Variants in ANKRD27 observed in about 807,000 individuals in gnomAD.
ANKRD27 encodes ankyrin repeat domain-containing protein 27.
ANKRD27 carries 112 observed loss-of-function variants against 129.7 expected under a neutral mutation model. The ratio of observed to expected loss-of-function variants is 0.86; its 90% CI spans 0.74 to 1.01. The LOEUF (loss-of-function observed/expected upper bound fraction) is 1.01. Ranked by LOEUF, ANKRD27 falls within the 50% of genes least tolerant of loss-of-function variation. The probability of loss-of-function intolerance (pLI) is 0.00; values close to 1 mark genes in which losing one functional copy is unlikely to be tolerated. For missense variants in ANKRD27, 1,258 were observed against 1,300.5 expected, an observed-to-expected ratio of 0.97 and a Z score of 0.50; for synonymous variants, 516 against 511.2, an observed-to-expected ratio of 1.01 and a Z score of -0.13.
intron 11 of ANKRD27, 134 bp from the exon 12 acceptor site, chr19:32,639,622 C>G: frequency 2.3e-6 from 2 of 856,464 alleles, no homozygotes; most frequent in Non-Finnish European, 3.7e-6. Context: ...CCACCATCCC[C>G]TGGATCTCTC....
At chr19:32,640,250 AC>A in intron 11 of ANKRD27, 56 bp downstream of exon 11, 1 of 1,452,394 alleles carries the variant, frequency 6.9e-7, no homozygotes. Context: ...GGCGTGAGCC[AC>A]CGTGCCCGGC....
intron 22 of ANKRD27, among the ~76,000 whole-genome samples, chr19:32,610,240 G>C (rs1001229210): frequency 6.6e-6 from 1 of 151,996 alleles, no homozygotes; most frequent in Non-Finnish European, 1.5e-5. Flanking sequence ...AACCCAGGAG[G>C]CAGAGGTTGC....
chr19:32,646,400 C>A (rs1008484150), intron 4 of ANKRD27, 59 bp downstream of exon 4: 43 of 1,541,418 alleles, frequency 2.8e-5, no homozygotes, highest in Non-Finnish European at 3.4e-5. Flanking sequence ...AAGTCAGGAA[C>A]AAGTTCAACA....
chr19:32,615,748 G>A lies in ANKRD27; in HGVS notation c.2085C>T (p.Asp695=). 1 of 1,614,022 alleles carries A rather than the reference G, an allele frequency of 6.2e-7. No homozygotes were observed. The highest frequency in any genetic ancestry group is 1.1e-5 in the South Asian group (1 of 91,054). Residue 695 remains aspartate (D), a synonymous_variant, in exon 22 of 29, where the codon GAC becomes GAT. Coordinates refer to ENST00000306065, the MANE Select transcript of ANKRD27 (RefSeq NM_032139.3). Reference sequence around the variant, plus strand: ...TGACAGTGTCCTCCGCATCCTCCAGGTCCTCCTCTGTCCATTCCAACAGGT... The same window carrying A: ...TGACAGTGTCCTCCGCATCCTCCAGATCCTCCTCTGTCCATTCCAACAGGT... ...VRYLLEWTEE[D]LEDAEDTVSA...
intron 22 of ANKRD27, among the ~76,000 whole-genome samples, chr19:32,611,037 G>T (rs1407356353): frequency 6.6e-6 from 1 of 152,112 alleles, no homozygotes; most frequent in Non-Finnish European, 1.5e-5. Flanking sequence ...AGAAGAGGAT[G>T]GGGGGAGTGG....
chr19:32,653,338 G>C (rs1967456247), intron 2 of ANKRD27, among the ~76,000 whole-genome samples: 1 of 152,094 alleles, frequency 6.6e-6, no homozygotes, highest in African/African-American at 2.4e-5. Flanking sequence ...CATTAAATCA[G>C]ACAACTCAAT....
chr19:32,611,417 C>T (rs958733974), intron 22 of ANKRD27, among the ~76,000 whole-genome samples: 2 of 152,164 alleles, frequency 1.3e-5, no homozygotes, highest in East Asian at 1.9e-4. Context: ...AAAAGGTGCA[C>T]ATCCCCAGTG....
chr19:32,649,439 T>G (rs575001863), intron 3 of ANKRD27, among the ~76,000 whole-genome samples: 13 of 152,104 alleles, frequency 8.5e-5, no homozygotes, highest in Non-Finnish European at 1.3e-4. Flanking sequence ...CATCACGGGA[T>G]CAGAGAGAGA....
intron 24 of ANKRD27, among the ~76,000 whole-genome samples, chr19:32,605,064 T>C (rs1231725389): frequency 1.3e-5 from 2 of 152,014 alleles, no homozygotes; most frequent in Non-Finnish European, 2.9e-5. Flanking sequence ...CGAGACTCCA[T>C]CTCGGAAAAA....
intron 1 of ANKRD27, among the ~76,000 whole-genome samples, chr19:32,660,823 C>T (rs780514449): frequency 1.3e-5 from 2 of 152,150 alleles, no homozygotes; most frequent in African/African-American, 4.8e-5. Flanking sequence ...TGTAAACTGC[C>T]TGATCATGTC....
At chr19:32,612,191 A>G (rs1971845188) in intron 22 of ANKRD27, among the ~76,000 whole-genome samples, 1 of 152,204 alleles carries the variant, frequency 6.6e-6, no homozygotes, top group Admixed American at 6.5e-5. Flanking sequence ...GTATGCTGAA[A>G]AAAAATCACA....
chr19:32,667,157 C>G (rs1390125432), intron 1 of ANKRD27, among the ~76,000 whole-genome samples: 1 of 152,208 alleles, frequency 6.6e-6, no homozygotes, highest in Admixed American at 6.5e-5. Flanking sequence ...AAACAGGCAC[C>G]CGACTTCCCA....
Position 32,617,612 on chromosome 19 carries a change from C to T in ANKRD27, c.2029G>A (p.Val677Ile), listed in dbSNP as rs751816362. Reference protein sequence around the residue: ...YREVEKLLRAVADGDLEMVRY... With the variant: ...YREVEKLLRAIADGDLEMVRY... Reference sequence around the variant, plus strand: ...ACCATTTCTAGATCTCCATCAGCAACTGCTCTCAAAAGTTTTTCTACCTTA... The same window carrying T: ...ACCATTTCTAGATCTCCATCAGCAATTGCTCTCAAAAGTTTTTCTACCTTA... Residue 677 changes from valine to isoleucine, a missense_variant, in exon 21 of 29, where the codon GTT (valine) becomes ATT (isoleucine). Physicochemically the swap from Val to Ile is conservative, Grantham distance 29 (BLOSUM62 3). Transcript: ENST00000306065. 1 of 756,682 alleles carries T rather than the reference C, an allele frequency of 1.3e-6. No homozygotes were observed. Among genetic ancestry groups the T allele is most frequent in the Admixed American group, 1.9e-5 (1 of 53,446 alleles). 46.9% of individuals were successfully genotyped at this position (756,682 alleles called of 1,614,324 possible).
At chr19:32,672,958 G>A (rs1568424357) in intron 1 of ANKRD27, 1 of 152,200 alleles carries the variant, frequency 6.6e-6, no homozygotes, top group South Asian at 2.1e-4. Flanking sequence ...CTCTATGAGA[G>A]GATGGAGTCA....
In ANKRD27 at chr19:32,604,405, GC is replaced by G; in HGVS notation, c.2512del (p.Ala838LeufsTer14). 6.2e-7 allele frequency: 1 copy of G among 1,607,490 alleles called. No homozygotes were observed. The highest frequency in any genetic ancestry group is 8.5e-7 in the Non-Finnish European group (1 of 1,174,710). On this transcript the variant is annotated frameshift_variant, in exon 25 of 29. Transcript: ENST00000306065. LOFTEE classifies it high-confidence loss of function. ...LLLQHGASIN[A>X]SNNKGNTALH... is the part of the protein sequence containing the mutation. ...CGCTGTGTTGCCCTTATTGTTAGAA[GC>G]GTTAATGGAGGCCCCGTGCTGGAAA... is the stretch of plus-strand genomic sequence containing the variant.
At chr19:32,609,211 G>A (rs1403525152) in intron 22 of ANKRD27, among the ~76,000 whole-genome samples, 1 of 151,920 alleles carries the variant, frequency 6.6e-6, no homozygotes, top group East Asian at 1.9e-4. Context: ...CAACCACTTT[G>A]GAAAACTGGC....
chr19:32,642,292 C>A, intron 9 of ANKRD27, 147 bp from the exon 10 acceptor site: 1 of 733,194 alleles, frequency 1.4e-6, no homozygotes, highest in Non-Finnish European at 2.0e-6. Flanking sequence ...AGTCATCTGA[C>A]TCAAGTCAGC....
chr19:32,613,292 C>G (rs776197320), intron 22 of ANKRD27, among the ~76,000 whole-genome samples: 14 of 152,060 alleles, frequency 9.2e-5, no homozygotes, highest in Non-Finnish European at 1.9e-4. Flanking sequence ...CTGGGGAGGA[C>G]GAGGAGGAAC....
At chr19:32,662,873 T>A (rs1337902918) in intron 1 of ANKRD27, among the ~76,000 whole-genome samples, 3 of 151,918 alleles carry the variant, frequency 2.0e-5, no homozygotes, top group Non-Finnish European at 4.4e-5. Flanking sequence ...TGAAACCCCG[T>A]CTCTACTAAA....
Sources: gnomAD v4.1 joint callset for allele counts (sites outside exome capture counted in the v4.1 genomes callset) on GRCh38, gnomAD v4.1.1 for gene constraint, MANE v1.5 for transcripts, NCBI Gene and HGNC (gene_info 2026-07-23, HGNC 2026-07-21) for gene names.